Variants in ZNF717 observed in about 807,000 individuals in gnomAD.
ZNF717 encodes the protein krueppel-like factor X17.
A neutral mutation model predicts 13.8 loss-of-function variants in ZNF717; 9 were observed. The ratio of observed to expected loss-of-function variants is 0.65; its 90% confidence interval spans 0.39 to 1.14. The LOEUF (loss-of-function observed/expected upper bound fraction) is 1.14, where lower values mean the gene tolerates loss of function less well. Among genes scored for constraint, ZNF717 ranks in the 50% most tolerant of loss-of-function variants. The pLI is 0.01. For missense variants in ZNF717, 1,040 were observed against 1,080.7 expected, an observed-to-expected ratio of 0.96 and a Z score of 0.53; for synonymous variants, 327 against 364.1, an observed-to-expected ratio of 0.90 and a Z score of 1.16.
At chr3:75,758,682 A>G (rs1942708404) in intron 2 of ZNF717, among the ~76,000 whole-genome samples, 1 of 152,184 alleles carries the variant, frequency 6.6e-6, no homozygotes, top group African/African-American at 2.4e-5. Context: ...CTCAGCAATC[A>G]CCACCTTACA....
intron 2 of ZNF717, among the ~76,000 whole-genome samples, chr3:75,758,618 A>T (rs1241339791): frequency 2.0e-5 from 3 of 152,232 alleles, no homozygotes; most frequent in Non-Finnish European, 4.4e-5. Flanking sequence ...GTCAATTGAC[A>T]CAGCAAACTT....
chr3:75,699,975 G>A (rs1336037304), intron 6 of ZNF717, among the ~76,000 whole-genome samples: 8 of 152,254 alleles, frequency 5.3e-5, no homozygotes, highest in African/African-American at 1.7e-4. Context: ...GTGAAACACT[G>A]ACAAAAGAAA....
At chr3:75,712,016 G>A (rs1320478101) in intron 5 of ZNF717, among the ~76,000 whole-genome samples, 1 of 152,222 alleles carries the variant, frequency 6.6e-6, no homozygotes, top group East Asian at 1.9e-4. Flanking sequence ...AAGTTATGTT[G>A]GAGTAAAACA....
chr3:75,764,990 G>GATATAT lies in ZNF717; in HGVS notation c.57+18310_57+18315dup, dbSNP rs71101852. Among the ~76,000 whole-genome samples the GATATAT allele has an allele frequency of 5.3e-3, 543 of 101,950 alleles. 2 individuals are homozygous for GATATAT. The highest frequency in any genetic ancestry group is 9.7e-3 in the African/African-American group (217 of 22,326). The allele number at this position is 101,950 out of a possible 152,430, so 66.9% of individuals were successfully genotyped here. On this transcript the variant is annotated intron_variant, in intron 2 of 4. Transcript: ENST00000652011. Reference sequence around the variant, plus strand: ...CCAGGAATGGACGGATAAACAAAAGGATATATATATATATATATATATATA... The same window carrying GATATAT: ...CCAGGAATGGACGGATAAACAAAAGGATATATATATATATATATATATATATATATA...
chr3:75,744,917 A>G (rs76890775), intron 2 of ZNF717, among the ~76,000 whole-genome samples: 2,799 of 92,820 alleles, frequency 0.03, no homozygotes, highest in Admixed American at 0.042. Flanking sequence ...GCCCATTCTA[A>G]TCATGTTCCG....
intron 1 of ZNF717, among the ~76,000 whole-genome samples, chr3:75,783,942 A>G (rs1944993033): frequency 6.6e-6 from 1 of 152,238 alleles, no homozygotes; most frequent in African/African-American, 2.4e-5. Flanking sequence ...CTTTCCCTGT[A>G]TCCAAGCCCT....
At chr3:75,777,355 T>C (rs943930916) in intron 2 of ZNF717, among the ~76,000 whole-genome samples, 25 of 131,114 alleles carry the variant, frequency 1.9e-4, no homozygotes, top group South Asian at 1.5e-3. Flanking sequence ...CAAAAACAAA[T>C]GGGAGTGACG....
chr3:75,749,240 C>T (rs1459767911), intron 2 of ZNF717, among the ~76,000 whole-genome samples: 21 of 152,168 alleles, frequency 1.4e-4, no homozygotes, highest in African/African-American at 4.8e-4. Flanking sequence ...ACCACTCCTG[C>T]TGTGGTCCGA....
At chr3:75,715,943 G>T (rs1206508509) in intron 5 of ZNF717, among the ~76,000 whole-genome samples, 2 of 151,164 alleles carry the variant, frequency 1.3e-5, no homozygotes, top group Non-Finnish European at 2.9e-5. Flanking sequence ...TAATGTTTGA[G>T]AATGCGATTC....
chr3:75,783,771 A>G (rs539088503), intron 1 of ZNF717, among the ~76,000 whole-genome samples: 24 of 152,300 alleles, frequency 1.6e-4, no homozygotes, highest in Admixed American at 5.9e-4. Context: ...ATAACTTCAT[A>G]TGAGTGTTCC....
chr3:75,721,578 G>C (rs77333362), intron 4 of ZNF717, among the ~76,000 whole-genome samples: 1 of 152,144 alleles, frequency 6.6e-6, no homozygotes, highest in Admixed American at 6.5e-5. Context: ...CCCACGCCTG[G>C]CCTGATGTTA....
chr3:75,719,411 T>A (rs1456114734), intron 4 of ZNF717, among the ~76,000 whole-genome samples: 1 of 152,192 alleles, frequency 6.6e-6, no homozygotes, highest in Non-Finnish European at 1.5e-5. Flanking sequence ...CACTAGGAAT[T>A]TTCTATTTCA....
intron 2 of ZNF717, among the ~76,000 whole-genome samples, chr3:75,782,144 A>G (rs937680034): frequency 6.6e-6 from 1 of 152,190 alleles, no homozygotes; most frequent in Non-Finnish European, 1.5e-5. Context: ...AGAAGACTCG[A>G]GTAAGGCAAT....
intron 6 of ZNF717, among the ~76,000 whole-genome samples, chr3:75,700,660 C>T (rs1272575911): frequency 6.6e-6 from 1 of 152,270 alleles, no homozygotes; most frequent in Non-Finnish European, 1.5e-5. Context: ...TTACTTTCAA[C>T]AAAAGTGCCA....
intron 5 of ZNF717, among the ~76,000 whole-genome samples, chr3:75,715,358 G>A (rs1165193283): frequency 6.6e-6 from 1 of 152,138 alleles, no homozygotes; most frequent in South Asian, 2.1e-4. Flanking sequence ...ATTTTCAGCG[G>A]TTTTAAATTA....
intron 5 of ZNF717, chr3:75,711,412 T>C (rs1313911293): frequency 2.0e-5 from 3 of 151,720 alleles, no homozygotes; most frequent in African/African-American, 7.3e-5. Flanking sequence ...AATTGTTTTG[T>C]TTTGTTTAAT....
intron 2 of ZNF717, among the ~76,000 whole-genome samples, chr3:75,745,329 G>T (rs1355974949): frequency 8.7e-4 from 132 of 152,150 alleles, no homozygotes; most frequent in Non-Finnish European, 9.7e-4. Flanking sequence ...TCGCAGTAGT[G>T]TCCTGGAATC....
chr3:75,779,339 CTGGAA>C (rs1161309648), intron 2 of ZNF717, among the ~76,000 whole-genome samples: 1 of 151,250 alleles, frequency 6.6e-6, no homozygotes, highest in African/African-American at 2.4e-5. Flanking sequence ...CGTGCTAAAA[CTGGAA>C]CCCAAAACAA....
At chr3:75,779,676 GTCGTGCT>G (rs1944651737) in intron 2 of ZNF717, among the ~76,000 whole-genome samples, 4 of 148,824 alleles carry the variant, frequency 2.7e-5, no homozygotes, top group Non-Finnish European at 4.4e-5. Context: ...CAATGGGAGA[GTCGTGCT>G]AAACCAGGAT....
Sources: allele counts gnomAD v4.1 joint callset (sites outside exome capture counted in the v4.1 genomes callset), GRCh38; gene constraint gnomAD v4.1.1; transcripts MANE v1.5; gene names NCBI Gene and HGNC (gene_info 2026-07-23, HGNC 2026-07-21).